TDRP: variants seen among roughly 807,000 people sequenced by gnomAD.
TDRP encodes testis development-related protein.
In TDRP, 12 loss-of-function variants were observed where a neutral mutation model predicts 10.5. The observed-to-expected ratio is 1.15, with a 90% confidence interval of 0.73 to 1.86. The LOEUF (loss-of-function observed/expected upper bound fraction) is 1.86, where lower values mean the gene tolerates loss of function less well. Among genes scored for constraint, TDRP ranks in the 40% most tolerant of loss-of-function variants. TDRP has a pLI of 0.00. For synonymous variants in TDRP, 139 were observed against 95.4 expected (o/e 1.46, Z -2.67); for missense variants, 353 against 229.2 (o/e 1.54, Z -3.49).
intron 1 of TDRP, among the ~76,000 whole-genome samples, chr8:533,667 T>C (rs1347547034): frequency 6.6e-6 from 1 of 152,150 alleles, no homozygotes; most frequent in Non-Finnish European, 1.5e-5. Flanking sequence ...AGCTAAGAAA[T>C]GAAGCCTCCA....
intron 1 of TDRP, among the ~76,000 whole-genome samples, chr8:530,349 T>C (rs1245257766): frequency 6.6e-6 from 1 of 152,226 alleles, no homozygotes; most frequent in Non-Finnish European, 1.5e-5. Flanking sequence ...TCTCTGTTTC[T>C]CTAGGGTCAA....
intron 1 of TDRP, among the ~76,000 whole-genome samples, chr8:504,712 C>G (rs1248036636): frequency 6.6e-6 from 1 of 152,166 alleles, no homozygotes; most frequent in African/African-American, 2.4e-5. Flanking sequence ...ACAGACTTTG[C>G]CATTTATTTC....
intron 1 of TDRP, among the ~76,000 whole-genome samples, chr8:538,800 A>T (rs1327579791): frequency 6.6e-6 from 1 of 152,232 alleles, no homozygotes; most frequent in Non-Finnish European, 1.5e-5. Context: ...GCAAATTAAA[A>T]TCACATTAAG....
chr8:493,995 T>G (rs1252868653), intron 2 of TDRP, among the ~76,000 whole-genome samples: 1 of 67,284 alleles, frequency 1.5e-5, no homozygotes, highest in Non-Finnish European at 4.3e-5. Context: ...TTTCTGTTGT[T>G]TTTTTTTTTT....
chr8:519,156 A>T (rs1180838760), intron 1 of TDRP, among the ~76,000 whole-genome samples: 1 of 152,190 alleles, frequency 6.6e-6, no homozygotes, highest in African/African-American at 2.4e-5. Flanking sequence ...ACCTCCATTT[A>T]AAAAGCTAAA....
At chr8:532,168 C>A (rs1802219180) in intron 1 of TDRP, among the ~76,000 whole-genome samples, 2 of 152,210 alleles carry the variant, frequency 1.3e-5, no homozygotes, top group African/African-American at 2.4e-5. Flanking sequence ...CATCCACTAA[C>A]CTCTGTGAAG....
intron 1 of TDRP, among the ~76,000 whole-genome samples, chr8:542,062 G>C (rs191240259): frequency 1.2e-3 from 187 of 152,304 alleles, no homozygotes; most frequent in African/African-American, 4.2e-3. Flanking sequence ...CACCCAAACA[G>C]TGGAATACTA....
At chr8:510,126 C>T (rs980422784) in intron 1 of TDRP, among the ~76,000 whole-genome samples, 2 of 152,216 alleles carry the variant, frequency 1.3e-5, no homozygotes, top group African/African-American at 4.8e-5. Flanking sequence ...AACCAGGAAG[C>T]TCCACTAAGC....
At chr8:518,570 G>C (rs1801815935) in intron 1 of TDRP, among the ~76,000 whole-genome samples, 3 of 152,110 alleles carry the variant, frequency 2.0e-5, no homozygotes, top group South Asian at 4.1e-4. Flanking sequence ...CAAAAGTCTA[G>C]GAAAGCTGAG....
At chr8:514,601 G>A (rs1801705500) in intron 1 of TDRP, among the ~76,000 whole-genome samples, 1 of 152,118 alleles carries the variant, frequency 6.6e-6, no homozygotes, top group African/African-American at 2.4e-5. Context: ...GAAACACGAG[G>A]AACCATGTGG....
At chr8:500,155 G>C (rs1028018700) in intron 1 of TDRP, among the ~76,000 whole-genome samples, 12 of 152,320 alleles carry the variant, frequency 7.9e-5, no homozygotes, top group African/African-American at 2.4e-4. Context: ...GTAAGTTCCT[G>C]CACAAAACAA....
In TDRP at chr8:501,102, G is replaced by A. The variant is rs186122638; in HGVS notation, c.109-6505C>T. Reference sequence around the variant, plus strand: ...CGCCTGTAGTCCCAGCTACTCTGGAGGCTGAGGCAGGAGAATGGCGTGAAC... The same window carrying A: ...CGCCTGTAGTCCCAGCTACTCTGGAAGCTGAGGCAGGAGAATGGCGTGAAC... On this transcript the variant is annotated intron_variant, in intron 1 of 2. Transcript: ENST00000324079. Among the ~76,000 whole-genome samples the A allele has an allele frequency of 2.7e-3, 406 of 152,042 alleles. 1 individual carries two copies. The highest frequency in any genetic ancestry group is 5.0e-3 in the Non-Finnish European group (339 of 67,992).
chr8:516,080 C>A (rs1234133508), intron 1 of TDRP, among the ~76,000 whole-genome samples: 1 of 152,112 alleles, frequency 6.6e-6, no homozygotes, highest in African/African-American at 2.4e-5. Flanking sequence ...ACCTGAATGC[C>A]TGAATGGATG....
rs148147477 is a variant in TDRP, at chr8:507,145, C to A, written c.109-12548G>T. ...ACAGGAAGAACTGCCACTTTAAAAC[C>A]ATCAGATCTCATGAGACTCACTCAC... is the stretch of plus-strand genomic sequence containing the variant. On this transcript the variant is annotated intron_variant, in intron 1 of 2. Transcript: ENST00000324079. Among the ~76,000 whole-genome samples the A allele has an allele frequency of 5.3e-3, 812 of 152,188 alleles. 3 individuals carry two copies. Among genetic ancestry groups the A allele is most frequent in the African/African-American group, 0.018 (767 of 41,514 alleles).
chr8:543,517 A>G (rs1306637218), intron 1 of TDRP, among the ~76,000 whole-genome samples: 1 of 152,030 alleles, frequency 6.6e-6, no homozygotes, highest in African/African-American at 2.4e-5. Flanking sequence ...TACATTCAAG[A>G]AGAGAGCTGT....
rs563777415 is a variant in TDRP, at chr8:490,534, A to G, written c.*1865T>C. 2.0e-5 allele frequency: 3 copies of G among 152,364 alleles called. No homozygotes were observed. Among genetic ancestry groups the G allele is most frequent in the African/African-American group, 7.2e-5 (3 of 41,580 alleles). The allele number at this position is 152,364 out of a possible 1,614,324, so 9.4% of individuals were successfully genotyped here. A position where few individuals can be genotyped will look rare whatever the true frequency, so the allele number is the denominator to read the frequency against. ...ACGTGATTTCCAGAGTTTCAAACAC[A>G]GTGTTTACATTCCTGCGCAGCAAGA... On this transcript the variant is annotated 3_prime_UTR_variant, in exon 3 of 3. Coordinates refer to ENST00000324079, the MANE Select transcript of TDRP (RefSeq NM_001384899.1).
chr8:529,796 A>T (rs1802138619), intron 1 of TDRP, among the ~76,000 whole-genome samples: 1 of 152,130 alleles, frequency 6.6e-6, no homozygotes, highest in African/African-American at 2.4e-5. Context: ...CTTCTTTCAA[A>T]ATTCTCTACC....
At chr8:527,215 G>A (rs1257448571) in intron 1 of TDRP, among the ~76,000 whole-genome samples, 1 of 151,960 alleles carries the variant, frequency 6.6e-6, no homozygotes, top group Non-Finnish European at 1.5e-5. Flanking sequence ...AACCAAAGAA[G>A]TTAAAGATCT....
At chr8:494,633 T>A (rs2116713475) in intron 1 of TDRP, 36 bp from the exon 2 acceptor site, 1 of 1,572,578 alleles carries the variant, frequency 6.4e-7, no homozygotes, top group East Asian at 2.2e-5. Flanking sequence ...AAATCTGATG[T>A]CATGAATCAA....
Sources: gnomAD v4.1 joint callset for allele counts (sites outside exome capture counted in the v4.1 genomes callset) on GRCh38, gnomAD v4.1.1 for gene constraint, MANE v1.5 for transcripts, NCBI Gene and HGNC (gene_info 2026-07-23, HGNC 2026-07-21) for gene names.